HMCN2: variants seen among roughly 807,000 people sequenced by gnomAD.
HMCN2 encodes the protein hemicentin 2, also known as hemicentin-2.
A neutral mutation model predicts 377.5 loss-of-function variants in HMCN2; 325 were observed. The ratio of observed to expected loss-of-function variants is 0.86; its 90% confidence interval spans 0.79 to 0.94. HMCN2 has a LOEUF of 0.94. HMCN2 is among the 40% of genes least tolerant of loss of function. The probability of loss-of-function intolerance (pLI) is 0.00; values close to 1 mark genes in which losing one functional copy is unlikely to be tolerated. For missense variants in HMCN2, 4,543 were observed against 4,725.3 expected, an observed-to-expected ratio of 0.96 and a Z score of 1.13; for synonymous variants, 2,007 against 2,046.8, an observed-to-expected ratio of 0.98 and a Z score of 0.53.
At chr9:130,397,280 C>T (rs1842653201) in intron 73 of HMCN2, among the ~76,000 whole-genome samples, 1 of 152,160 alleles carries the variant, frequency 6.6e-6, no homozygotes, top group Non-Finnish European at 1.5e-5. Context: ...TCGTGAGACC[C>T]ATTCACTATC....
At chr9:130,348,944 G>A (rs1588283350) in intron 27 of HMCN2, 40 bp from the exon 28 acceptor site, 1 of 1,291,444 alleles carries the variant, frequency 7.7e-7, no homozygotes. Context: ...GTGGTGGCTG[G>A]ATCCCCTCTT....
intron 1 of HMCN2, among the ~76,000 whole-genome samples, chr9:130,276,950 G>T (rs892599036): frequency 5.9e-5 from 9 of 152,252 alleles, no homozygotes; most frequent in Non-Finnish European, 1.3e-4. Context: ...CACTTGGAGA[G>T]AGAAGCAGGG....
intron 15 of HMCN2, among the ~76,000 whole-genome samples, chr9:130,318,840 A>G (rs1260529544): frequency 1.3e-5 from 2 of 152,214 alleles, no homozygotes; most frequent in African/African-American, 2.4e-5. Context: ...CTCTTTCCAA[A>G]AAAGTTCAGC....
rs1837035244 is a variant in HMCN2, at chr9:130,308,649, G to A, written c.2200+1083G>A. Among the ~76,000 whole-genome samples, 1 of 152,142 alleles carries A rather than the reference G, an allele frequency of 6.6e-6. No homozygotes were observed. Among genetic ancestry groups the A allele is most frequent in the Admixed American group, 6.5e-5 (1 of 15,282 alleles). ...TTTTAGGGTCACCAGCAAGTGGGTGGCACAGGCTTCTGGACTCCTTCCTCA... is the reference window on the plus strand; with the variant it reads ...TTTTAGGGTCACCAGCAAGTGGGTGACACAGGCTTCTGGACTCCTTCCTCA... On this transcript the variant is annotated intron_variant, in intron 14 of 97. Transcript: ENST00000683500. The surrounding 1 kb of genome is among the most constrained non-coding windows in gnomAD (Gnocchi z 4.1).
At chr9:130,313,694 G>A (rs1837392796) in intron 15 of HMCN2, among the ~76,000 whole-genome samples, 1 of 151,658 alleles carries the variant, frequency 6.6e-6, no homozygotes, top group African/African-American at 2.4e-5. Context: ...CTGACTGTGT[G>A]TGGCAACCCC....
At chr9:130,286,959 C>T (rs1292900406) in intron 4 of HMCN2, among the ~76,000 whole-genome samples, 1 of 152,184 alleles carries the variant, frequency 6.6e-6, no homozygotes, top group Non-Finnish European at 1.5e-5. Flanking sequence ...CCACCCCACA[C>T]TCCCGTCCGC....
chr9:130,280,236 CACTGCAA>C (rs1287502338), intron 1 of HMCN2, among the ~76,000 whole-genome samples: 1 of 149,046 alleles, frequency 6.7e-6, no homozygotes, highest in Non-Finnish European at 1.5e-5. Flanking sequence ...GATCTCGGCT[CACTGCAA>C]GCTCCGCCTC....
rs914354068 is a variant in HMCN2, at chr9:130,376,557, G to A, written c.7960G>A (p.Gly2654Ser). Residue 2654 changes from glycine to serine, a missense_variant, in exon 52 of 98, where the codon GGC (glycine) becomes AGC (serine). Around this residue, in one of 5 missense-constraint regions of HMCN2, gnomAD observed 736 missense variants for 773.2 expected, o/e 0.95. Coordinates refer to ENST00000683500, the MANE Select transcript of HMCN2 (RefSeq NM_001291815.2). ...ISKDDPLAEV[G>S]VKEVKTKVNS... ...CAAAGACGACCCCTTGGCGGAGGTC[G>A]GCGTGAAGGAGGTGAAGACCAAGGT... The A allele has an allele frequency of 9.1e-6, 9 of 985,706 alleles. No homozygotes were observed. The highest frequency in any genetic ancestry group is 1.2e-4 in the Admixed American group (2 of 16,264). The allele number at this position is 985,706 out of a possible 1,614,324, so 61.1% of individuals were successfully genotyped here.
intron 31 of HMCN2, among the ~76,000 whole-genome samples, 185 bp downstream of exon 31, chr9:130,353,390 T>C (rs1839838420): frequency 6.6e-6 from 1 of 152,162 alleles, no homozygotes; most frequent in African/African-American, 2.4e-5. Context: ...CCCTCATACC[T>C]GTAAGGAAAC....
intron 86 of HMCN2, among the ~76,000 whole-genome samples, chr9:130,420,369 C>T (rs192323133): frequency 8.2e-4 from 125 of 152,080 alleles, no homozygotes; most frequent in Middle Eastern, 3.5e-3. Flanking sequence ...CCACCGCGCC[C>T]GGCCCGTCCC....
chr9:130,369,573 C>T lies in HMCN2; in HGVS notation c.6791C>T (p.Pro2264Leu). 1.0e-6 allele frequency: 1 copy of T among 985,814 alleles called. No individual in the cohort carries two copies. The highest frequency in any genetic ancestry group is 1.1e-4 in the East Asian group (1 of 8,800). 61.1% of individuals were successfully genotyped at this position (985,814 alleles called of 1,614,324 possible). A position where few individuals can be genotyped will look rare whatever the true frequency, so the allele number is the denominator to read the frequency against. The change falls in exon 45 of 98, where the codon CCC becomes CTC. Residue 2264 changes from proline (P) to leucine (L), a missense_variant. Physicochemically the swap from Pro to Leu is moderately conservative, Grantham distance 98. Transcript: ENST00000683500. The surrounding 1 kb of genome is among the most constrained non-coding windows in gnomAD (Gnocchi z 4.5). The stretch of plus-strand genomic sequence containing the variant: ...GGCTTTCTCCCCACCCCAACAGTTC[C>T]CCCTCAGATTGCCGGTCCCCGGGAG... ...SQDLQLEVHVPPQIAGPREPP... is the reference protein window; with the variant it reads ...SQDLQLEVHVLPQIAGPREPP...
At position 130,433,972 on chromosome 9, in the gene HMCN2, C is replaced by T. The variant is rs1031564018; in HGVS notation, c.*279C>T. ...TCAGACCTCCAGGTCTGATCCGCCCCTCAGTGGGAGCGGGACAGGGACACA... is the reference window on the plus strand; with the variant it reads ...TCAGACCTCCAGGTCTGATCCGCCCTTCAGTGGGAGCGGGACAGGGACACA... On this transcript the variant is annotated 3_prime_UTR_variant, in exon 98 of 98. Transcript: ENST00000683500. 4 of 371,860 alleles carry T rather than the reference C, an allele frequency of 1.1e-5. No homozygotes were observed. The highest frequency in any genetic ancestry group is 8.5e-5 in the African/African-American group (4 of 47,310). The allele number at this position is 371,860 out of a possible 1,614,324, so 23.0% of individuals were successfully genotyped here. A position where few individuals can be genotyped will look rare whatever the true frequency, so the allele number is the denominator to read the frequency against.
chr9:130,430,620 G>T lies in HMCN2; in HGVS notation c.14647+16G>T. On this transcript the variant is annotated intron_variant, in intron 95 of 97. Transcript: ENST00000683500. ...GTCTGCACAGGTAAGGCCAGGCCCT[G>T]ACCATCCACGGGACACTGCCGTTAT... 2 of 1,537,086 alleles carry T rather than the reference G, an allele frequency of 1.3e-6. No individual in the cohort carries two copies. Among genetic ancestry groups the T allele is most frequent in the South Asian group, 2.4e-5 (2 of 82,950 alleles).
At chr9:130,336,834 T>A (rs1838779225) in intron 22 of HMCN2, among the ~76,000 whole-genome samples, 1 of 150,730 alleles carries the variant, frequency 6.6e-6, no homozygotes, top group Admixed American at 6.6e-5. Flanking sequence ...ATGTCTCATG[T>A]GATCCTTGCA....
chr9:130,400,577 C>CT (rs5900896), intron 76 of HMCN2: 1,241 of 226,820 alleles, frequency 5.5e-3, no homozygotes, highest in South Asian at 0.011. Context: ...AAAAAATACA[C>CT]TTTTTTTTTT....
At chr9:130,418,045 C>T (rs1195942462) in intron 85 of HMCN2, among the ~76,000 whole-genome samples, 1 of 152,090 alleles carries the variant, frequency 6.6e-6, no homozygotes, top group Non-Finnish European at 1.5e-5. Flanking sequence ...TGAGAGCCAC[C>T]CACAGTAGGT....
intron 7 of HMCN2, among the ~76,000 whole-genome samples, chr9:130,297,562 C>T (rs1407624652): frequency 2.6e-5 from 4 of 152,340 alleles, no homozygotes; most frequent in African/African-American, 9.6e-5. Context: ...CAGCTCAGCT[C>T]AGCTCCTCCT....
chr9:130,271,713 T>TCC (rs1834419044), intron 1 of HMCN2, among the ~76,000 whole-genome samples: 1 of 149,088 alleles, frequency 6.7e-6, no homozygotes, highest in Non-Finnish European at 1.5e-5. Flanking sequence ...GAGCCCTGCT[T>TCC]CCTGTGATTG....
chr9:130,406,004 G>T lies in HMCN2; in HGVS notation c.12389G>T (p.Arg4130Leu). ...TGTACCGCTGAGAACGCCGTGGGCC[G>T]GGCCCGCCGCCGCGTGCACCTCACC... is the stretch of plus-strand genomic sequence containing the variant. ...YTCTAENAVG[R>L]ARRRVHLTIL... Residue 4130 changes from arginine (R) to leucine (L), a missense_variant, in exon 82 of 98, where the codon CGG becomes CTG. Arg to Leu is a moderately radical substitution (Grantham distance 102). Around this residue, in one of 5 missense-constraint regions of HMCN2, gnomAD observed 1,073 missense variants for 1,319.5 expected, o/e 0.81. Coordinates refer to ENST00000683500, the MANE Select transcript of HMCN2 (RefSeq NM_001291815.2). The T allele has an allele frequency of 7.8e-7, 1 of 1,289,708 alleles. No homozygotes were observed. The highest frequency in any genetic ancestry group is 1.0e-6 in the Non-Finnish European group (1 of 988,830). 79.9% of individuals were successfully genotyped at this position (1,289,708 alleles called of 1,614,324 possible).
Sources: allele counts gnomAD v4.1 joint callset (sites outside exome capture counted in the v4.1 genomes callset), GRCh38; gene constraint gnomAD v4.1.1; regional missense constraint gnomAD v4.1.1; non-coding constraint Gnocchi (gnomAD v3.1); transcripts MANE v1.5; gene names NCBI Gene and HGNC (gene_info 2026-07-23, HGNC 2026-07-21).